The following ACO2 variants were observed in gnomAD, a reference collection of about 807,000 sequenced individuals.
ACO2 encodes the protein aconitase 2.
Under a neutral mutation model 84.5 loss-of-function variants are expected in ACO2, and 31 were observed. That is an observed-to-expected ratio of 0.37 (90% confidence interval 0.28 to 0.50). ACO2 has a LOEUF of 0.50. ACO2 is among the 20% of genes least tolerant of loss of function. The pLI is 0.97. For synonymous variants in ACO2, 414 were observed against 412.7 expected (o/e 1.00, Z -0.04); for missense variants, 685 against 1,029.3 (o/e 0.67, Z 4.58).
chr22:41,518,548 A>C lies in ACO2; in HGVS notation c.1008A>C (p.Gln336His), dbSNP rs201392094. 9 of 1,613,654 alleles carry C rather than the reference A, an allele frequency of 5.6e-6. No individual in the cohort carries two copies. The highest frequency in any genetic ancestry group is 1.3e-5 in the African/African-American group (1 of 75,030). ...CTGACCCTGGCTGCCATTATGACCA[A>C]CTAATTGAAATTAACCTCAGTGAGG... ...LVPDPGCHYD[Q>H]LIEINLSELK... Residue 336 changes from glutamine (Q) to histidine (H), a missense_variant, in exon 8 of 18, where the codon CAA becomes CAC. Around this residue, in one of 5 missense-constraint regions of ACO2, gnomAD observed 311 missense variants for 441.6 expected, o/e 0.70. Coordinates refer to ENST00000216254, the MANE Select transcript of ACO2 (RefSeq NM_001098.3).
intron 3 of ACO2, among the ~76,000 whole-genome samples, chr22:41,509,444 G>C (rs888912646): frequency 2.6e-5 from 4 of 152,174 alleles, no homozygotes; most frequent in African/African-American, 9.7e-5. Flanking sequence ...GGTAACTGCA[G>C]ATCTGGGTAT....
intron 1 of ACO2, among the ~76,000 whole-genome samples, chr22:41,490,002 A>G (rs1348296896): frequency 6.6e-6 from 1 of 152,134 alleles, no homozygotes; most frequent in Admixed American, 6.6e-5. Flanking sequence ...TTCTGATTAC[A>G]AAAGAAATGT....
At chr22:41,505,579 C>G (rs2066387446) in intron 2 of ACO2, among the ~76,000 whole-genome samples, 2 of 152,134 alleles carry the variant, frequency 1.3e-5, no homozygotes, top group South Asian at 4.1e-4. Flanking sequence ...CCAGCTGTAC[C>G]CCTCACTGGC....
chr22:41,517,702 G>C, intron 7 of ACO2, 71 bp downstream of exon 7: 1 of 1,380,594 alleles, frequency 7.2e-7, no homozygotes, highest in East Asian at 2.3e-5. Flanking sequence ...ACAGAGCTAT[G>C]CCTTTCCCTG....
intron 1 of ACO2, 173 bp downstream of exon 1, chr22:41,469,355 C>T: frequency 1.5e-6 from 1 of 675,030 alleles, no homozygotes; most frequent in Middle Eastern, 4.6e-4. Context: ...TAGGTCAAGG[C>T]GTCCCCGGCA....
intron 1 of ACO2, among the ~76,000 whole-genome samples, chr22:41,485,463 C>T (rs1474411550): frequency 3.8e-5 from 4 of 106,016 alleles, no homozygotes; most frequent in Non-Finnish European, 7.2e-5. Flanking sequence ...TTTTTTGAGA[C>T]GGAGTCTCGC....
intron 1 of ACO2, among the ~76,000 whole-genome samples, chr22:41,499,253 G>A (rs1039511061): frequency 2.0e-5 from 3 of 152,156 alleles, no homozygotes; most frequent in African/African-American, 7.2e-5. Context: ...ATAGAGATGA[G>A]TAAGATAAAT....
Position 41,515,250 on chromosome 22 carries a change from GC to G in ACO2, c.526-126del. The G allele has an allele frequency of 8.8e-7, 1 of 1,137,282 alleles. No homozygotes were observed. The highest frequency in any genetic ancestry group is 1.3e-6 in the Non-Finnish European group (1 of 770,142). 70.4% of individuals were successfully genotyped at this position (1,137,282 alleles called of 1,614,324 possible). ...CTGGAGACGGCCTGGATTAAATGGGGCTGCTCCTACCAGTTCCATCCTGGGA... is the reference window on the plus strand; with the variant it reads ...CTGGAGACGGCCTGGATTAAATGGGGTGCTCCTACCAGTTCCATCCTGGGA... On this transcript the variant is annotated intron_variant, in intron 4 of 17. Transcript: ENST00000216254. The surrounding 1 kb of genome is among the most constrained non-coding windows in gnomAD (Gnocchi z 5.8).
At chr22:41,472,233 G>C (rs1164792554) in intron 1 of ACO2, among the ~76,000 whole-genome samples, 2 of 151,932 alleles carry the variant, frequency 1.3e-5, no homozygotes, top group Non-Finnish European at 2.9e-5. Flanking sequence ...GGCGCCTGTA[G>C]TCCCAGCTAC....
chr22:41,512,589 C>G (rs1260801038), intron 4 of ACO2, among the ~76,000 whole-genome samples: 2 of 152,204 alleles, frequency 1.3e-5, no homozygotes, highest in African/African-American at 4.8e-5. Flanking sequence ...CCTCCCTCGC[C>G]CCCAGAGCTC....
intron 16 of ACO2, 122 bp downstream of exon 16, chr22:41,527,542 T>C: frequency 7.3e-7 from 1 of 1,362,878 alleles, no homozygotes; most frequent in Non-Finnish European, 9.9e-7. Flanking sequence ...CACAGGCCCG[T>C]CAGCCTCTTG....
At chr22:41,496,294 G>A (rs1273461690) in intron 1 of ACO2, among the ~76,000 whole-genome samples, 4 of 152,068 alleles carry the variant, frequency 2.6e-5, no homozygotes, top group African/African-American at 7.2e-5. Flanking sequence ...CAGCCTGGGC[G>A]ATGAGAGCAA....
Position 41,515,449 on chromosome 22 carries a change from G to A in ACO2, c.598G>A (p.Gly200Ser), listed in dbSNP as rs1569017305. The change falls in exon 5 of 18, where the codon GGC becomes AGC. Residue 200 changes from glycine to serine, a missense_variant. By Grantham distance (56) the Gly-to-Ser change is moderately conservative. This residue lies in a region of ACO2 where 92 missense variants were observed against 203.7 expected (regional missense o/e 0.45). Transcript: ENST00000216254. This position sits in a 1 kb window ranked among gnomAD's most constrained non-coding sequence, Gnocchi z 5.8. The stretch of plus-strand genomic sequence containing the variant: ...TGACTCCCACACCCCCAATGGTGGC[G>A]GCCTTGGGGGCATCTGCATTGGAGT... ...GTDSHTPNGG[G>S]LGGICIGVGG... 3 of 1,613,928 alleles carry A rather than the reference G, an allele frequency of 1.9e-6. No individual in the cohort carries two copies. Among genetic ancestry groups the A allele is most frequent in the Non-Finnish European group, 8.5e-7 (1 of 1,179,980 alleles).
chr22:41,490,275 G>A (rs922076159), intron 1 of ACO2, among the ~76,000 whole-genome samples: 2 of 152,152 alleles, frequency 1.3e-5, no homozygotes, highest in African/African-American at 4.8e-5. Flanking sequence ...GCAGCCAGCC[G>A]AGACTGCGCC....
At position 41,524,884 on chromosome 22, in the gene ACO2, C is replaced by G; in HGVS notation, c.1521C>G (p.Phe507Leu). Residue 507 changes from phenylalanine (F) to leucine (L), a missense_variant, in exon 13 of 18, where the codon TTC becomes TTG. Phe to Leu is a conservative substitution (Grantham distance 22). Coordinates refer to ENST00000216254, the MANE Select transcript of ACO2 (RefSeq NM_001098.3). ...TGGCCATTGCGGGAACCCTCAAGTT[C>G]AACCCAGAGACCGACTACCTGACGG... ...TALAIAGTLKFNPETDYLTGT... is the reference protein window; with the variant it reads ...TALAIAGTLKLNPETDYLTGT... The G allele has an allele frequency of 1.2e-6, 2 of 1,614,238 alleles. No individual in the cohort carries two copies. Among genetic ancestry groups the G allele is most frequent in the Non-Finnish European group, 1.7e-6 (2 of 1,180,046 alleles).
chr22:41,519,865 G>C (rs998776819), intron 8 of ACO2, among the ~76,000 whole-genome samples: 1 of 151,922 alleles, frequency 6.6e-6, no homozygotes, highest in African/African-American at 2.4e-5. Context: ...AACTTAGGAA[G>C]CTGACAGCCT....
chr22:41,508,095 G>A (rs753549443), intron 3 of ACO2, 46 bp downstream of exon 3: 54 of 1,577,234 alleles, frequency 3.4e-5, no homozygotes, highest in Admixed American at 5.1e-5. Flanking sequence ...GCAAGACTGG[G>A]CGAGAGGCCT....
At chr22:41,521,993 G>C (rs1166140303) in intron 9 of ACO2, among the ~76,000 whole-genome samples, 1 of 152,274 alleles carries the variant, frequency 6.6e-6, no homozygotes, top group Non-Finnish European at 1.5e-5. Flanking sequence ...GGCTAGTCTG[G>C]AACTCCTGAC....
rs1227495302 is a variant in ACO2, at chr22:41,525,129, TGA to T, written c.1606-60_1606-59del. ...GTGGGGCCCGAGGAAACTTGCCTTC[TGA>T]GAGTCTGTCCTTGTGGGAACTGAGG... On this transcript the variant is annotated intron_variant, in intron 13 of 17. Transcript: ENST00000216254. The T allele has an allele frequency of 1.4e-5, 23 of 1,598,266 alleles. No individual in the cohort carries two copies. The African/African-American group carries it at 2.7e-4, about 19-fold the overall frequency.
Sources: allele counts gnomAD v4.1 joint callset (sites outside exome capture counted in the v4.1 genomes callset), GRCh38; gene constraint gnomAD v4.1.1; regional missense constraint gnomAD v4.1.1; non-coding constraint Gnocchi (gnomAD v3.1); transcripts MANE v1.5; gene names NCBI Gene and HGNC (gene_info 2026-07-23, HGNC 2026-07-21).